The following LRP1B variants were observed in gnomAD, a reference collection of about 807,000 sequenced individuals.
LRP1B encodes the protein LDL receptor related protein 1B.
LRP1B carries 217 observed loss-of-function variants against 556.6 expected under a neutral mutation model. That is an observed-to-expected ratio of 0.39 (90% confidence interval 0.35 to 0.44). The LOEUF (loss-of-function observed/expected upper bound fraction) is 0.44, where lower values mean the gene tolerates loss of function less well. Among genes scored for constraint, LRP1B ranks in the 20% least tolerant of loss-of-function variants. The pLI, the probability that LRP1B is intolerant of heterozygous loss-of-function variation, is 1.00. For synonymous variants in LRP1B, 2,047 were observed against 1,865.8 expected, an observed-to-expected ratio of 1.10 and a Z score of -2.50; for missense variants, 5,053 against 5,620.8, an observed-to-expected ratio of 0.90 and a Z score of 3.23.
intron 3 of LRP1B, among the ~76,000 whole-genome samples, chr2:141,311,462 C>T (rs1019715839): frequency 1.3e-5 from 2 of 151,970 alleles, no homozygotes; most frequent in Non-Finnish European, 2.9e-5. Flanking sequence ...TTTCAAGGCT[C>T]CACTATAGGC....
At chr2:141,273,504 T>A (rs892799816) in intron 3 of LRP1B, among the ~76,000 whole-genome samples, 1 of 152,138 alleles carries the variant, frequency 6.6e-6, no homozygotes, top group Non-Finnish European at 1.5e-5. Flanking sequence ...CAACAAATTG[T>A]ACTAGGTCAA....
At position 140,923,488 on chromosome 2, in the gene LRP1B, C is replaced by G. The variant is rs75727160; in HGVS notation, c.3137-341G>C. On this transcript the variant is annotated intron_variant, in intron 20 of 90. Transcript: ENST00000389484. ...GCCTAAAGGATGAAATCTTTAAAGG[C>G]TTTTCTCTAAGACACATAAATTAGG... Among the ~76,000 whole-genome samples, 637 of 152,066 alleles carry G rather than the reference C, an allele frequency of 4.2e-3. 3 individuals are homozygous for G. Among genetic ancestry groups the G allele is most frequent in the African/African-American group, 0.015 (605 of 41,508 alleles).
At chr2:140,583,292 G>A (rs571659844) in intron 43 of LRP1B, among the ~76,000 whole-genome samples, 1 of 146,230 alleles carries the variant, frequency 6.8e-6, no homozygotes, top group East Asian at 2.1e-4. Flanking sequence ...CTCGTGCCTC[G>A]GCCACCCAAA....
At chr2:140,927,276 G>T (rs1694913000) in intron 20 of LRP1B, among the ~76,000 whole-genome samples, 1 of 152,180 alleles carries the variant, frequency 6.6e-6, no homozygotes, top group Admixed American at 6.5e-5. Flanking sequence ...CTGCACTCCA[G>T]CCTGGGGGAC....
At chr2:141,662,056 C>T (rs908716314) in intron 2 of LRP1B, among the ~76,000 whole-genome samples, 14 of 152,070 alleles carry the variant, frequency 9.2e-5, no homozygotes, top group South Asian at 8.3e-4. Flanking sequence ...AATTTCCAAT[C>T]GAGAAATTCA....
At chr2:141,456,492 C>T (rs182146443) in intron 3 of LRP1B, among the ~76,000 whole-genome samples, 1 of 152,148 alleles carries the variant, frequency 6.6e-6, no homozygotes, top group Admixed American at 6.6e-5. Context: ...CAACTATGAA[C>T]ATCTTGAGAT....
intron 7 of LRP1B, among the ~76,000 whole-genome samples, chr2:141,170,444 A>T (rs1680453856): frequency 6.6e-6 from 1 of 152,056 alleles, no homozygotes; most frequent in African/African-American, 2.4e-5. Context: ...AAGTGCAGGC[A>T]AATAAATCCA....
chr2:142,026,935 G>T (rs1049422698), intron 1 of LRP1B, among the ~76,000 whole-genome samples: 4 of 152,000 alleles, frequency 2.6e-5, no homozygotes, highest in Non-Finnish European at 4.4e-5. Context: ...CAAGGAAAGA[G>T]AAACATGAGC....
chr2:141,594,430 C>T (rs1448186915), intron 2 of LRP1B, among the ~76,000 whole-genome samples: 1 of 152,064 alleles, frequency 6.6e-6, no homozygotes, highest in East Asian at 1.9e-4. Flanking sequence ...ATTTAGAATA[C>T]ACACGTTTTT....
chr2:142,107,794 AT>A (rs67962280), intron 1 of LRP1B, among the ~76,000 whole-genome samples: 6,827 of 110,518 alleles, frequency 0.062, 139 homozygotes, highest in Middle Eastern at 0.11. Context: ...CGCCTAGCTA[AT>A]TTTTTTTTTT....
intron 1 of LRP1B, among the ~76,000 whole-genome samples, chr2:141,825,346 C>T (rs535883985): frequency 1.3e-5 from 2 of 152,270 alleles, no homozygotes; most frequent in South Asian, 4.1e-4. Context: ...TAGAGGCCCA[C>T]CCTTTATGAT....
Position 140,378,893 on chromosome 2 carries a change from C to A in LRP1B, c.10532-607G>T, listed in dbSNP as rs140236762. On this transcript the variant is annotated intron_variant, in intron 67 of 90. Coordinates refer to ENST00000389484, the MANE Select transcript of LRP1B (RefSeq NM_018557.3). ...TTTGTTTATGCCATTGTTTATTGTG[C>A]CCTATATCACTTGCCTGTCAATTTA... Among the ~76,000 whole-genome samples, 252 of 152,240 alleles carry A rather than the reference C, an allele frequency of 1.7e-3. 4 individuals are homozygous for A. The highest frequency in any genetic ancestry group is 5.5e-3 in the African/African-American group (227 of 41,528).
At chr2:140,428,044 T>C (rs1355578879) in intron 66 of LRP1B, among the ~76,000 whole-genome samples, 4 of 152,168 alleles carry the variant, frequency 2.6e-5, no homozygotes, top group Non-Finnish European at 5.9e-5. Flanking sequence ...TTTCATCAAA[T>C]ATAAAAATCC....
intron 41 of LRP1B, among the ~76,000 whole-genome samples, chr2:140,628,225 C>G (rs1337846818): frequency 2.6e-5 from 4 of 152,078 alleles, no homozygotes; most frequent in Admixed American, 6.6e-5. Context: ...ATACTAGTCT[C>G]CAAGTTTAAA....
At chr2:140,613,728 A>T (rs531292377) in intron 41 of LRP1B, among the ~76,000 whole-genome samples, 1 of 152,210 alleles carries the variant, frequency 6.6e-6, no homozygotes, top group African/African-American at 2.4e-5. Flanking sequence ...GCACAAAGCC[A>T]CATCCATATG....
chr2:141,982,751 C>T (rs2105097899), intron 1 of LRP1B, among the ~76,000 whole-genome samples: 1 of 152,276 alleles, frequency 6.6e-6, no homozygotes, highest in South Asian at 2.1e-4. Flanking sequence ...ATAACAGGAT[C>T]CTGTTTGCCT....
intron 2 of LRP1B, among the ~76,000 whole-genome samples, chr2:141,542,935 T>C (rs1023551609): frequency 2.0e-5 from 3 of 151,938 alleles, no homozygotes; most frequent in South Asian, 2.1e-4. Context: ...ATTAAGGTAG[T>C]TTTTTATGTA....
chr2:141,415,889 T>G (rs1691081879), intron 3 of LRP1B, among the ~76,000 whole-genome samples: 1 of 152,198 alleles, frequency 6.6e-6, no homozygotes, highest in Non-Finnish European at 1.5e-5. Context: ...ATCTGTACAT[T>G]AAATTCAGAG....
intron 3 of LRP1B, among the ~76,000 whole-genome samples, chr2:141,258,735 C>T (rs561396246): frequency 6.6e-6 from 1 of 152,234 alleles, no homozygotes; most frequent in African/African-American, 2.4e-5. Context: ...AGTGAGTTCT[C>T]ATGAGATCTG....
Sources: allele counts gnomAD v4.1 joint callset (sites outside exome capture counted in the v4.1 genomes callset), GRCh38; gene constraint gnomAD v4.1.1; transcripts MANE v1.5; gene names NCBI Gene and HGNC (gene_info 2026-07-23, HGNC 2026-07-21).